The following NMNAT3 variants were observed in gnomAD, a reference collection of about 807,000 sequenced individuals.
NMNAT3 encodes the protein nicotinamide/nicotinic acid mononucleotide adenylyltransferase 3.
In NMNAT3, 21 loss-of-function variants were observed where a neutral mutation model predicts 24.8. The observed-to-expected ratio is 0.85, with a 90% CI of 0.60 to 1.22. The LOEUF (loss-of-function observed/expected upper bound fraction) is 1.22. Ranked by LOEUF, NMNAT3 falls within the 50% of genes most tolerant of loss-of-function variation. The pLI, the probability that NMNAT3 is intolerant of heterozygous loss-of-function variation, is 0.00. For missense variants in NMNAT3, 387 were observed against 436.6 expected (o/e 0.89, Z 1.01); for synonymous variants, 136 against 155.2 (o/e 0.88, Z 0.92).
At chr3:139,630,626 C>G (rs1419257642) in intron 2 of NMNAT3, among the ~76,000 whole-genome samples, 3 of 152,166 alleles carry the variant, frequency 2.0e-5, no homozygotes, top group Non-Finnish European at 4.4e-5. Flanking sequence ...AAGACTGAAA[C>G]AGGGCACTGG....
At chr3:139,562,998 A>C (rs550550959) in intron 6 of NMNAT3, among the ~76,000 whole-genome samples, 1 of 152,306 alleles carries the variant, frequency 6.6e-6, no homozygotes, top group South Asian at 2.1e-4. Flanking sequence ...TCAATACCTC[A>C]TGTGATCTCA....
intron 1 of NMNAT3, among the ~76,000 whole-genome samples, chr3:139,648,916 G>T (rs987769442): frequency 6.7e-6 from 1 of 149,510 alleles, no homozygotes; most frequent in Non-Finnish European, 1.5e-5. Context: ...AGCAATCTGT[G>T]TTATAATATA....
intron 1 of NMNAT3, among the ~76,000 whole-genome samples, chr3:139,650,925 T>A (rs9814679): frequency 0.11 from 17,180 of 152,196 alleles, 1,077 homozygotes; most frequent in Non-Finnish European, 0.14. Context: ...AAAAGGAATA[T>A]CTGATTTTCT....
intron 4 of NMNAT3, among the ~76,000 whole-genome samples, chr3:139,582,471 G>T (rs1294545165): frequency 1.1e-4 from 17 of 151,282 alleles, no homozygotes; most frequent in Non-Finnish European, 1.0e-4. Flanking sequence ...GCAAATCCCT[G>T]TCTCTGCTAA....
At chr3:139,604,121 C>T (rs1227422402) in intron 3 of NMNAT3, among the ~76,000 whole-genome samples, 6 of 152,202 alleles carry the variant, frequency 3.9e-5, no homozygotes. Flanking sequence ...TCACACACGA[C>T]TGCATGTCAG....
chr3:139,581,932 T>A (rs2053638219), intron 4 of NMNAT3, among the ~76,000 whole-genome samples: 1 of 151,760 alleles, frequency 6.6e-6, no homozygotes, highest in Admixed American at 6.6e-5. Context: ...CGGTGGCTCA[T>A]GCCTGTAATC....
chr3:139,588,704 C>T (rs1485267991), intron 3 of NMNAT3, among the ~76,000 whole-genome samples: 1 of 152,198 alleles, frequency 6.6e-6, no homozygotes, highest in East Asian at 1.9e-4. Context: ...CCACCCCAGC[C>T]TCTAATCGCC....
At chr3:139,592,017 C>T (rs918349162) in intron 3 of NMNAT3, among the ~76,000 whole-genome samples, 2 of 152,162 alleles carry the variant, frequency 1.3e-5, no homozygotes, top group African/African-American at 4.8e-5. Context: ...AATCAAATTA[C>T]TCCAAGCTAC....
intron 3 of NMNAT3, among the ~76,000 whole-genome samples, chr3:139,591,666 C>T (rs2054188337): frequency 6.6e-6 from 1 of 152,234 alleles, no homozygotes; most frequent in Admixed American, 6.5e-5. Context: ...TGACCCCTGA[C>T]CCCCGAGCAG....
intron 1 of NMNAT3, among the ~76,000 whole-genome samples, chr3:139,644,677 A>G (rs2056813224): frequency 6.6e-6 from 1 of 152,248 alleles, no homozygotes; most frequent in Admixed American, 6.5e-5. Flanking sequence ...AAAATGGGAC[A>G]TAATTTTAAC....
At chr3:139,572,132 T>G in intron 6 of NMNAT3, 1 of 398,652 alleles carries the variant, frequency 2.5e-6, no homozygotes, top group Non-Finnish European at 4.4e-6. Flanking sequence ...GTCTCCAGCT[T>G]GAGGTGGGGG....
At chr3:139,578,311 AGT>A (rs1939629354) in intron 5 of NMNAT3, among the ~76,000 whole-genome samples, 1 of 152,212 alleles carries the variant, frequency 6.6e-6, no homozygotes, top group South Asian at 2.1e-4. Context: ...CTAGATTTAT[AGT>A]CTTTTTTTTC....
chr3:139,562,577 TG>T (rs1936569716), intron 6 of NMNAT3, among the ~76,000 whole-genome samples: 5 of 152,300 alleles, frequency 3.3e-5, no homozygotes, highest in African/African-American at 1.2e-4. Flanking sequence ...CTTGTGTAAA[TG>T]GTCAGTTTAG....
In NMNAT3 at chr3:139,615,588, C is replaced by T. The variant is rs2055460640; in HGVS notation, c.109+12028G>A. Among the ~76,000 whole-genome samples the T allele has an allele frequency of 2.0e-5, 3 of 152,088 alleles. No individual in the cohort carries two copies. The South Asian group carries it at 6.2e-4, about 32-fold the overall frequency. On this transcript the variant is annotated intron_variant, in intron 3 of 6. Transcript: ENST00000643695. The stretch of plus-strand genomic sequence containing the variant: ...TACCTTTAATTCCAATCCCATATCA[C>T]AGGACATTTGTAACTTCTCTCTGTC...
At chr3:139,668,137 C>A (rs907922272) in intron 1 of NMNAT3, among the ~76,000 whole-genome samples, 2 of 151,984 alleles carry the variant, frequency 1.3e-5, no homozygotes, top group African/African-American at 2.4e-5. Context: ...GGAAAGGGAG[C>A]AGGTAGAGAA....
At chr3:139,562,404 T>TC (rs761929396) in intron 6 of NMNAT3, among the ~76,000 whole-genome samples, 10 of 152,252 alleles carry the variant, frequency 6.6e-5, no homozygotes, top group Non-Finnish European at 1.5e-4. Context: ...GCAAAGGAAA[T>TC]CCAAGTCTAT....
intron 1 of NMNAT3, among the ~76,000 whole-genome samples, chr3:139,639,088 C>T (rs560810818): frequency 6.6e-6 from 1 of 152,350 alleles, no homozygotes; most frequent in African/African-American, 2.4e-5. Context: ...CTGCCTTCCA[C>T]ATCCCCTTAG....
At chr3:139,603,431 G>A (rs962204780) in intron 3 of NMNAT3, among the ~76,000 whole-genome samples, 1 of 152,088 alleles carries the variant, frequency 6.6e-6, no homozygotes, top group African/African-American at 2.4e-5. Context: ...ATATTTGGGG[G>A]CATTTTCTCC....
At chr3:139,647,001 T>A (rs543179768) in intron 1 of NMNAT3, among the ~76,000 whole-genome samples, 8 of 152,250 alleles carry the variant, frequency 5.3e-5, no homozygotes, top group Non-Finnish European at 1.0e-4. Flanking sequence ...GGAACACCTG[T>A]ATGCACATCT....
Sources: gnomAD v4.1 joint callset for allele counts (sites outside exome capture counted in the v4.1 genomes callset) on GRCh38, gnomAD v4.1.1 for gene constraint, MANE v1.5 for transcripts, NCBI Gene and HGNC (gene_info 2026-07-23, HGNC 2026-07-21) for gene names.